The following RIMS2 variants were observed in gnomAD, a reference collection of about 807,000 sequenced individuals.
The protein encoded by RIMS2 is regulating synaptic membrane exocytosis protein 2.
RIMS2 carries 59 observed loss-of-function variants against 174.4 expected under a neutral mutation model. That is an observed-to-expected ratio of 0.34 (90% CI 0.27 to 0.42). RIMS2 has a LOEUF of 0.42. RIMS2 is among the 10% of genes least tolerant of loss of function. The pLI is 1.00. For missense variants in RIMS2, 1,620 were observed against 1,666.3 expected, an observed-to-expected ratio of 0.97 and a Z score of 0.48; for synonymous variants, 606 against 572.5, an observed-to-expected ratio of 1.06 and a Z score of -0.84.
At chr8:103,692,853 T>G (rs1464793103) in intron 1 of RIMS2, among the ~76,000 whole-genome samples, 1 of 152,148 alleles carries the variant, frequency 6.6e-6, no homozygotes, top group Non-Finnish European at 1.5e-5. Flanking sequence ...GGAGGGGTGA[T>G]GCAAGCACTC....
intron 14 of RIMS2, among the ~76,000 whole-genome samples, chr8:103,960,053 A>G (rs1254409522): frequency 4.6e-5 from 7 of 152,332 alleles, no homozygotes; most frequent in East Asian, 1.9e-4. Flanking sequence ...CAAAAAATCA[A>G]TGAATCCAGG....
At chr8:104,122,689 A>G (rs193288047) in intron 19 of RIMS2, among the ~76,000 whole-genome samples, 1 of 152,306 alleles carries the variant, frequency 6.6e-6, no homozygotes, top group East Asian at 1.9e-4. Flanking sequence ...TTCATACTTA[A>G]TCTGGTGAAA....
intron 19 of RIMS2, among the ~76,000 whole-genome samples, chr8:104,087,942 T>C (rs1428852397): frequency 6.6e-6 from 1 of 152,092 alleles, no homozygotes; most frequent in Admixed American, 6.6e-5. Context: ...GGGTTTCATT[T>C]GCAGAATATT....
intron 4 of RIMS2, among the ~76,000 whole-genome samples, chr8:103,907,722 T>G (rs901593709): frequency 1.3e-5 from 2 of 150,786 alleles, no homozygotes; most frequent in South Asian, 2.2e-4. Context: ...GAATTTTTTG[T>G]TTTTTTTATT....
chr8:104,254,847 G>A (rs1412121111), downstream of RIMS2: 1 of 152,202 alleles, frequency 6.6e-6, no homozygotes, highest in Admixed American at 6.5e-5. Flanking sequence ...CTGCTAAAGT[G>A]TCAGTTTTGC....
intron 3 of RIMS2, among the ~76,000 whole-genome samples, chr8:103,792,506 A>G (rs2154444353): frequency 6.6e-6 from 1 of 152,282 alleles, no homozygotes; most frequent in Non-Finnish European, 1.5e-5. Flanking sequence ...ATCACAACTA[A>G]AAGAACTAGA....
intron 1 of RIMS2, among the ~76,000 whole-genome samples, chr8:103,561,527 T>C (rs2091590925): frequency 6.6e-6 from 1 of 152,240 alleles, no homozygotes; most frequent in African/African-American, 2.4e-5. Context: ...TACCAGTTCT[T>C]ACCCATCGAA....
intron 19 of RIMS2, among the ~76,000 whole-genome samples, chr8:104,017,781 A>G (rs952330231): frequency 2.0e-5 from 3 of 152,166 alleles, no homozygotes; most frequent in Admixed American, 6.5e-5. Context: ...AAAATAACCT[A>G]TTGGGCCAGT....
Position 104,010,007 on chromosome 8 carries a change from TGGATGGACGGAC to T in RIMS2, c.3045-3419_3045-3408del, listed in dbSNP as rs2095706796. Reference sequence around the variant, plus strand: ...ATGGATAGATGGATGGATGGATGGATGGATGGACGGACGGATGGACGGACGGACGGATGACAG... The same window carrying T: ...ATGGATAGATGGATGGATGGATGGATGGATGGACGGACGGACGGATGACAG... On this transcript the variant is annotated intron_variant, in intron 17 of 23. Transcript: ENST00000504942. Among the ~76,000 whole-genome samples, 4 of 151,668 alleles carry T rather than the reference TGGATGGACGGAC, an allele frequency of 2.6e-5. No individual in the cohort carries two copies. The South Asian group carries it at 6.3e-4, about 24-fold the overall frequency.
chr8:103,978,681 G>A (rs2093649779), intron 16 of RIMS2, among the ~76,000 whole-genome samples: 1 of 152,186 alleles, frequency 6.6e-6, no homozygotes, highest in Admixed American at 6.5e-5. Context: ...AATGTATAAA[G>A]AGCTTTTAAA....
intron 1 of RIMS2, among the ~76,000 whole-genome samples, chr8:103,694,637 G>A (rs903812450): frequency 6.6e-6 from 1 of 152,034 alleles, no homozygotes; most frequent in Non-Finnish European, 1.5e-5. Flanking sequence ...TGGAGGCTTG[G>A]TCTGCAGATA....
chr8:104,223,785 A>G, intron 19 of RIMS2: 1 of 1,595,980 alleles, frequency 6.3e-7, no homozygotes, highest in Non-Finnish European at 8.5e-7. Flanking sequence ...CTGGAGGAGG[A>G]AGAAGGAGGT....
At chr8:103,680,321 C>G (rs1464050422) in intron 1 of RIMS2, among the ~76,000 whole-genome samples, 2 of 151,922 alleles carry the variant, frequency 1.3e-5, no homozygotes, top group African/African-American at 4.8e-5. Flanking sequence ...AATATAGGAT[C>G]TCTATATGGA....
In RIMS2 at chr8:103,654,165, A is replaced by G. The variant is rs117810984; in HGVS notation, c.177-42921A>G. Among the ~76,000 whole-genome samples the G allele has an allele frequency of 2.5e-3, 384 of 152,102 alleles. 3 individuals carry two copies. The highest frequency in any genetic ancestry group is 3.8e-3 in the Non-Finnish European group (261 of 67,852). ...TTTTGTCTTGGTTTTAAATGACTTC[A>G]GTTAATGTATCTTGTGTGTGAGGTT... On this transcript the variant is annotated intron_variant, in intron 1 of 23. Coordinates refer to ENST00000504942, the Ensembl canonical transcript of RIMS2.
intron 3 of RIMS2, among the ~76,000 whole-genome samples, chr8:103,870,674 T>C (rs1361674524): frequency 6.6e-6 from 1 of 152,112 alleles, no homozygotes; most frequent in Non-Finnish European, 1.5e-5. Flanking sequence ...AAAACATAGT[T>C]AATGTTTATT....
At position 103,530,765 on chromosome 8, in the gene RIMS2, A is replaced by C. The variant is rs1308156347; in HGVS notation, c.176+29703A>C. Among the ~76,000 whole-genome samples, 5 of 151,950 alleles carry C rather than the reference A, an allele frequency of 3.3e-5. No homozygotes were observed. In the East Asian group the frequency reaches 9.6e-4, roughly 29 times the overall value. ...ATATAGGCTAAAATATGTACAAGGC[A>C]AAATTTTACAGAACTGTAAGTAAAA... On this transcript the variant is annotated intron_variant, in intron 1 of 23. Transcript: ENST00000504942.
At chr8:103,773,714 G>C (rs2098278941) in intron 3 of RIMS2, among the ~76,000 whole-genome samples, 2 of 150,646 alleles carry the variant, frequency 1.3e-5, no homozygotes, top group African/African-American at 4.9e-5. Flanking sequence ...TGGGCGACAA[G>C]AGCAAAACTC....
chr8:104,180,995 A>C (rs1179369982), intron 19 of RIMS2, among the ~76,000 whole-genome samples: 1 of 151,782 alleles, frequency 6.6e-6, no homozygotes, highest in Non-Finnish European at 1.5e-5. Context: ...GTATCCTACA[A>C]AACAATAATT....
intron 19 of RIMS2, among the ~76,000 whole-genome samples, chr8:104,100,427 C>T (rs1401674882): frequency 6.6e-6 from 1 of 151,956 alleles, no homozygotes; most frequent in Non-Finnish European, 1.5e-5. Context: ...ATCTGAATCC[C>T]TTTTATTTCT....
Sources: gnomAD v4.1 joint callset for allele counts (sites outside exome capture counted in the v4.1 genomes callset) on GRCh38, gnomAD v4.1.1 for gene constraint, MANE v1.5 for transcripts, NCBI Gene and HGNC (gene_info 2026-07-23, HGNC 2026-07-21) for gene names.